The following SPRR4 variants were observed in gnomAD, a reference collection of about 807,000 sequenced individuals.
SPRR4 encodes the protein small proline-rich protein 4.
For synonymous variants in SPRR4, 30 were observed against 34.3 expected (o/e 0.87, Z 0.44); for missense variants, 106 against 91.6 (o/e 1.16, Z -0.64).
chr1:152,971,630 A>G (rs1266190448), intron 1 of SPRR4, among the ~76,000 whole-genome samples: 1 of 151,214 alleles, frequency 6.6e-6, no homozygotes, highest in South Asian at 2.1e-4. Context: ...ACACACCATG[A>G]TGCTTACCTG....
chr1:152,971,902 G>A lies in SPRR4; in HGVS notation c.12G>A (p.Gln4=). 1 of 1,613,882 alleles carries A rather than the reference G, an allele frequency of 6.2e-7. No individual in the cohort carries two copies. Among genetic ancestry groups the A allele is most frequent in the East Asian group, 2.2e-5 (1 of 44,866 alleles). The part of the protein sequence containing the change: MSS[Q]QQQRQQQQCP... ...CTGTTCCTAGAGCAATGTCTTCCCA[G>A]CAGCAGCAGCGGCAGCAGCAGCAGT... Residue 4 remains glutamine (Q), a synonymous_variant, in exon 2 of 2, where the codon CAG becomes CAA. Transcript: ENST00000328051.
chr1:152,971,203 C>A (rs1284319306), intron 1 of SPRR4, among the ~76,000 whole-genome samples: 2 of 152,090 alleles, frequency 1.3e-5, no homozygotes, highest in Non-Finnish European at 2.9e-5. Context: ...AGGAACACTG[C>A]CTACAAAGAT....
At chr1:152,971,663 C>T (rs1406210644) in intron 1 of SPRR4, among the ~76,000 whole-genome samples, 1 of 151,944 alleles carries the variant, frequency 6.6e-6, no homozygotes, top group Non-Finnish European at 1.5e-5. Flanking sequence ...TGTTTTTGTC[C>T]TCTCCTCATG....
Position 152,971,948 on chromosome 1 carries a change from C to T in SPRR4, c.58C>T (p.Gln20Ter), listed in dbSNP as rs1320446251. 1.2e-6 allele frequency: 2 copies of T among 1,613,998 alleles called. No individual in the cohort carries two copies. Among genetic ancestry groups the T allele is most frequent in the East Asian group, 2.2e-5 (1 of 44,872 alleles). ...GCAGTGCCCACCCCAGAGGGCCCAG[C>T]AGCAGCAAGTGAAGCAGCCTTGTCA... ...QQQCPPQRAQ[Q>*]QQVKQPCQPP... is the part of the protein sequence containing the mutation. The change falls in exon 2 of 2, where the codon CAG (glutamine) becomes TAG (stop). Residue 20 changes from glutamine to a stop codon, truncating the protein, a stop_gained. Transcript: ENST00000328051. LOFTEE classifies it low-confidence loss of function (END_TRUNC).
At chr1:152,970,870 C>G (rs1162864364) in intron 1 of SPRR4, among the ~76,000 whole-genome samples, 176 bp downstream of exon 1, 2 of 152,174 alleles carry the variant, frequency 1.3e-5, no homozygotes, top group African/African-American at 4.8e-5. Flanking sequence ...AGTTTAATCT[C>G]CATTCCGCAC....
chr1:152,972,156 C>A lies in SPRR4; in HGVS notation c.*26C>A, dbSNP rs373412333. 3.7e-6 allele frequency: 6 copies of A among 1,613,442 alleles called. No homozygotes were observed. Among genetic ancestry groups the A allele is most frequent in the Non-Finnish European group, 5.1e-6 (6 of 1,179,610 alleles). ...GGATGGACTGGATATTACCATCATC[C>A]ACCATCCTGGCTACCAGATGGAACC... is the stretch of plus-strand genomic sequence containing the variant. On this transcript the variant is annotated 3_prime_UTR_variant, in exon 2 of 2. Coordinates refer to ENST00000328051, the MANE Select transcript of SPRR4 (RefSeq NM_173080.3).
Position 152,972,294 on chromosome 1 carries a change from T to C in SPRR4, c.*164T>C. 8.6e-7 allele frequency: 1 copy of C among 1,164,106 alleles called. No individual in the cohort carries two copies. Among genetic ancestry groups the C allele is most frequent in the Non-Finnish European group, 1.2e-6 (1 of 831,232 alleles). 72.1% of individuals were successfully genotyped at this position (1,164,106 alleles called of 1,614,324 possible). On this transcript the variant is annotated 3_prime_UTR_variant, in exon 2 of 2. Coordinates refer to ENST00000328051, the MANE Select transcript of SPRR4 (RefSeq NM_173080.3). ...TAAGGATTTCTTCCCATCGTACCCT[T>C]CCCCACACATACCACCTTGGCTTCT...
At position 152,972,015 on chromosome 1, in the gene SPRR4, C is replaced by G; in HGVS notation, c.125C>G (p.Thr42Ser). ...TGTCAAGAGACATGTGCACCCAAAA[C>G]CAAGGATCCATGTGCTCCCCAGGTC... ...VKCQETCAPK[T>S]KDPCAPQVKK... Residue 42 changes from threonine (T) to serine (S), a missense_variant, in exon 2 of 2, where the codon ACC (threonine) becomes AGC (serine). Coordinates refer to ENST00000328051, the MANE Select transcript of SPRR4 (RefSeq NM_173080.3). 1.2e-6 allele frequency: 2 copies of G among 1,614,070 alleles called. No individual in the cohort carries two copies. The highest frequency in any genetic ancestry group is 1.7e-6 in the Non-Finnish European group (2 of 1,180,008).
chr1:152,971,886 G>A lies in SPRR4; in HGVS notation c.-5G>A, dbSNP rs1005616780. 17 of 1,613,754 alleles carry A rather than the reference G, an allele frequency of 1.1e-5. No homozygotes were observed. In the East Asian group the frequency reaches 2.5e-4, roughly 23 times the overall value. On this transcript the variant is annotated 5_prime_UTR_variant, in exon 2 of 2. Transcript: ENST00000328051. ...TTTCCTTTAGGCTCACCTGTTCCTA[G>A]AGCAATGTCTTCCCAGCAGCAGCAG...
chr1:152,972,479 C>T lies in SPRR4; in HGVS notation c.*349C>T. 3.2e-6 allele frequency: 1 copy of T among 314,786 alleles called. No individual in the cohort carries two copies. The highest frequency in any genetic ancestry group is 6.3e-6 in the Non-Finnish European group (1 of 158,346). The allele number at this position is 314,786 out of a possible 1,614,324, so 19.5% of individuals were successfully genotyped here. A position where few individuals can be genotyped will look rare whatever the true frequency, so the allele number is the denominator to read the frequency against. On this transcript the variant is annotated 3_prime_UTR_variant, in exon 2 of 2. Coordinates refer to ENST00000328051, the MANE Select transcript of SPRR4 (RefSeq NM_173080.3). ...ACCCTGACAAGTAGGGTCACAGAGG[C>T]TGGTGCACAGTTTCTGCCTCATTCC...
Position 152,972,303 on chromosome 1 carries a change from A to T in SPRR4, c.*173A>T. 1 of 1,095,226 alleles carries T rather than the reference A, an allele frequency of 9.1e-7. No individual in the cohort carries two copies. The highest frequency in any genetic ancestry group is 1.3e-6 in the Non-Finnish European group (1 of 771,914). The allele number at this position is 1,095,226 out of a possible 1,614,324, so 67.8% of individuals were successfully genotyped here. A position where few individuals can be genotyped will look rare whatever the true frequency, so the allele number is the denominator to read the frequency against. On this transcript the variant is annotated 3_prime_UTR_variant, in exon 2 of 2. Transcript: ENST00000328051. ...CTTCCCATCGTACCCTTCCCCACAC[A>T]TACCACCTTGGCTTCTTCTATATCC...
intron 1 of SPRR4, among the ~76,000 whole-genome samples, chr1:152,970,985 A>G (rs1651826973): frequency 6.6e-6 from 1 of 152,206 alleles, no homozygotes. Context: ...TTTTGTAGCA[A>G]TTCCGAGCCC....
chr1:152,971,894 T>C lies in SPRR4; in HGVS notation c.4T>C (p.Ser2Pro), dbSNP rs764165428. The C allele has an allele frequency of 6.2e-7, 1 of 1,613,846 alleles. No homozygotes were observed. Among genetic ancestry groups the C allele is most frequent in the South Asian group, 1.1e-5 (1 of 91,060 alleles). Residue 2 changes from serine to proline, a missense_variant, in exon 2 of 2, where the codon TCT becomes CCT. By Grantham distance (74) the Ser-to-Pro change is moderately conservative (BLOSUM62 -1). Coordinates refer to ENST00000328051, the MANE Select transcript of SPRR4 (RefSeq NM_173080.3). M[S>P]SQQQQRQQQQ... Reference sequence around the variant, plus strand: ...AGGCTCACCTGTTCCTAGAGCAATGTCTTCCCAGCAGCAGCAGCGGCAGCA... The same window carrying C: ...AGGCTCACCTGTTCCTAGAGCAATGCCTTCCCAGCAGCAGCAGCGGCAGCA...
intron 1 of SPRR4, among the ~76,000 whole-genome samples, chr1:152,971,367 G>T (rs1327653496): frequency 6.6e-6 from 1 of 152,190 alleles, no homozygotes; most frequent in South Asian, 2.1e-4. Context: ...CTTGGCTAGC[G>T]CTCTTTCCTT....
intron 1 of SPRR4, among the ~76,000 whole-genome samples, chr1:152,971,482 G>A (rs1651841723): frequency 6.6e-6 from 1 of 151,966 alleles, no homozygotes; most frequent in South Asian, 2.1e-4. Context: ...TAGCCACATA[G>A]GACTTGCCTT....
At position 152,972,178 on chromosome 1, in the gene SPRR4, A is replaced by G. The variant is rs775053767; in HGVS notation, c.*48A>G. The G allele has an allele frequency of 1.7e-5, 28 of 1,610,252 alleles. No homozygotes were observed. The highest frequency in any genetic ancestry group is 2.3e-5 in the Non-Finnish European group (27 of 1,177,612). The stretch of plus-strand genomic sequence containing the variant: ...ATCCACCATCCTGGCTACCAGATGG[A>G]ACCTTCTCTTCTTCCTTCTCCTCTT... On this transcript the variant is annotated 3_prime_UTR_variant, in exon 2 of 2. Coordinates refer to ENST00000328051, the MANE Select transcript of SPRR4 (RefSeq NM_173080.3).
At chr1:152,971,776 T>C in intron 1 of SPRR4, 95 bp from the exon 2 acceptor site, 3 of 1,480,732 alleles carry the variant, frequency 2.0e-6, no homozygotes, top group Non-Finnish European at 2.7e-6. Flanking sequence ...CCTTGTAAAA[T>C]GTCTGGGCTA....
rs1651882944 is a variant in SPRR4 at position 152,972,472 on chromosome 1, A to G, written c.*342A>G. 6.1e-6 allele frequency: 2 copies of G among 328,472 alleles called. No individual in the cohort carries two copies. The highest frequency in any genetic ancestry group is 1.2e-5 in the Non-Finnish European group (2 of 166,338). The allele number at this position is 328,472 out of a possible 1,614,324, so 20.3% of individuals were successfully genotyped here. ...GGGTTCCACCCTGACAAGTAGGGTC[A>G]CAGAGGCTGGTGCACAGTTTCTGCC... On this transcript the variant is annotated 3_prime_UTR_variant, in exon 2 of 2. Transcript: ENST00000328051.
upstream of SPRR4, among the ~76,000 whole-genome samples, chr1:152,970,121 T>A (rs771923048): frequency 1.3e-5 from 2 of 152,250 alleles, no homozygotes; most frequent in African/African-American, 2.4e-5. Flanking sequence ...CTGTTTAATC[T>A]TTCTCAGCCT....
Sources: allele counts gnomAD v4.1 joint callset (sites outside exome capture counted in the v4.1 genomes callset), GRCh38; gene constraint gnomAD v4.1.1; transcripts MANE v1.5; gene names NCBI Gene and HGNC (gene_info 2026-07-23, HGNC 2026-07-21).